Variants in CFAP47 observed in about 807,000 individuals in gnomAD.
CFAP47 encodes the protein cilia and flagella associated protein 47.
In CFAP47, 29 loss-of-function variants were observed where a neutral mutation model predicts 148.1. The observed-to-expected ratio is 0.20, with a 90% CI of 0.15 to 0.27. The LOEUF (loss-of-function observed/expected upper bound fraction) is 0.27, where lower values mean the gene tolerates loss of function less well. Among genes scored for constraint, CFAP47 ranks in the 10% least tolerant of loss-of-function variants. CFAP47 has a pLI of 1.00. For synonymous variants in CFAP47, 664 were observed against 577.3 expected (o/e 1.15, Z -2.15); for missense variants, 1,872 against 1,697.5 (o/e 1.10, Z -1.81).
chrX:36,177,612 C>A (rs1356198979), intron 39 of CFAP47, among the ~76,000 whole-genome samples: 1 of 112,010 alleles, frequency 8.9e-6, no homozygotes, highest in African/African-American at 3.2e-5. Context: ...TCACAGTTTA[C>A]ATTTTACTAT....
At chrX:36,245,456 G>A (rs988536906) in intron 48 of CFAP47, among the ~76,000 whole-genome samples, 4 of 111,680 alleles carry the variant, frequency 3.6e-5, no homozygotes, top group Admixed American at 1.9e-4. Context: ...CTGCCAAATG[G>A]CTCCAAGAAA....
At chrX:36,193,638 T>C (rs1939888566) in intron 42 of CFAP47, among the ~76,000 whole-genome samples, 1 of 111,187 alleles carries the variant, frequency 9.0e-6, no homozygotes, top group South Asian at 3.8e-4. Context: ...TAAAGCCTGC[T>C]GCCAATATGG....
intron 3 of CFAP47, among the ~76,000 whole-genome samples, chrX:35,943,341 C>A (rs73629579): frequency 0.082 from 9,174 of 111,264 alleles, 967 homozygotes; most frequent in African/African-American, 0.29. Flanking sequence ...ATTTAAAACT[C>A]AACACTTGGC....
intron 33 of CFAP47, among the ~76,000 whole-genome samples, chrX:36,127,418 G>T (rs1468271215): frequency 1.8e-5 from 2 of 111,190 alleles, no homozygotes; most frequent in Non-Finnish European, 3.8e-5. Context: ...GTGTGGTATT[G>T]TTTCTGAAGC....
At chrX:36,220,491 G>A (rs782162959) in intron 45 of CFAP47, among the ~76,000 whole-genome samples, 12 of 109,994 alleles carry the variant, frequency 1.1e-4, no homozygotes, top group East Asian at 2.9e-4. Flanking sequence ...CTGCCAGGGC[G>A]TGAAAAACCA....
In CFAP47 at chrX:36,383,110, TACACACACACGAA is replaced by T. The variant is rs781956267; in HGVS notation, c.9355-1686_9355-1674del. Among the ~76,000 whole-genome samples the T allele has an allele frequency of 3.3e-3, 373 of 111,483 alleles. 1 individual carries two copies. Among genetic ancestry groups the T allele is most frequent in the African/African-American group, 0.012 (361 of 30,734 alleles). ...GAATGAAGAGTATGAACAACTTCCA[TACACACACACGAA>T]GCACACACACACAAGCACACACACA... On this transcript the variant is annotated intron_variant, in intron 63 of 63. Coordinates refer to ENST00000378653, the MANE Select transcript of CFAP47 (RefSeq NM_001304548.2).
intron 50 of CFAP47, among the ~76,000 whole-genome samples, chrX:36,284,157 C>G (rs1468965558): frequency 9.0e-6 from 1 of 111,508 alleles, no homozygotes; most frequent in Non-Finnish European, 1.9e-5. Flanking sequence ...TGAGCAGAGC[C>G]TTCCTTAATA....
chrX:35,986,345 T>G (rs189808852), intron 15 of CFAP47, among the ~76,000 whole-genome samples: 116 of 109,359 alleles, frequency 1.1e-3, no homozygotes, highest in African/African-American at 3.8e-3. Flanking sequence ...CGTACTTTAT[T>G]TTATTAAGTT....
chrX:35,924,015 A>G (rs1569200979), intron 1 of CFAP47, among the ~76,000 whole-genome samples: 5 of 83,356 alleles, frequency 6.0e-5, no homozygotes, highest in African/African-American at 1.9e-4. Context: ...GTGTAAATAT[A>G]TATGCACATA....
intron 41 of CFAP47, 37 bp downstream of exon 41, chrX:36,188,727 G>A: frequency 1.0e-5 from 3 of 295,963 alleles, no homozygotes; most frequent in East Asian, 9.6e-5. Context: ...TTGTTTTCAT[G>A]TCTGATTTTT....
intron 7 of CFAP47, 123 bp from the exon 8 acceptor site, chrX:35,955,838 A>G: frequency 6.0e-6 from 6 of 999,033 alleles, no homozygotes; most frequent in Non-Finnish European, 8.0e-6. Context: ...ATTGTGTTGA[A>G]TGAAAAGATT....
intron 57 of CFAP47, among the ~76,000 whole-genome samples, chrX:36,346,132 C>T (rs1228705338): frequency 9.0e-6 from 1 of 111,516 alleles, no homozygotes; most frequent in East Asian, 2.8e-4. Context: ...ATACAAATGC[C>T]CTGAAGCTTA....
At chrX:35,924,350 T>C (rs375701949) in intron 1 of CFAP47, among the ~76,000 whole-genome samples, 17 of 106,549 alleles carry the variant, frequency 1.6e-4, no homozygotes, top group Admixed American at 1.2e-3. Context: ...TATGTGTGCA[T>C]ATGTGTATAT....
chrX:35,930,284 C>T (rs544800253), intron 2 of CFAP47, among the ~76,000 whole-genome samples: 18 of 110,915 alleles, frequency 1.6e-4, no homozygotes, highest in African/African-American at 5.9e-4. Flanking sequence ...TGAAATAAAT[C>T]CATTTTAGTC....
intron 48 of CFAP47, among the ~76,000 whole-genome samples, chrX:36,239,205 G>A (rs1019298816): frequency 3.6e-5 from 4 of 112,239 alleles, no homozygotes; most frequent in Non-Finnish European, 7.5e-5. Context: ...GGACTTCCAC[G>A]AAGGTGAAGC....
chrX:36,257,458 C>A (rs1940767123), intron 49 of CFAP47, among the ~76,000 whole-genome samples: 1 of 107,460 alleles, frequency 9.3e-6, no homozygotes, highest in African/African-American at 3.4e-5. Flanking sequence ...CAGGGTCTCA[C>A]CCTGTTGCCC....
In CFAP47 at chrX:36,049,240, C is replaced by G. The variant is rs1937502200; in HGVS notation, c.4217+2177C>G. On this transcript the variant is annotated intron_variant, in intron 26 of 63. Transcript: ENST00000378653. The stretch of plus-strand genomic sequence containing the variant: ...AGGAATCTAAGGCTCACAGTGTGAC[C>G]TAACTTGTCCAAGCTCACTCAAACA... 2.7e-5 allele frequency among the ~76,000 whole-genome samples: 3 copies of G among 109,603 alleles called. No homozygotes were observed. The South Asian group carries it at 1.2e-3, about 44-fold the overall frequency.
At chrX:36,289,002 T>TC in intron 51 of CFAP47, among the ~76,000 whole-genome samples, 1 of 103,459 alleles carries the variant, frequency 9.7e-6, no homozygotes, top group Non-Finnish European at 2.0e-5. Flanking sequence ...TTTCATCCTT[T>TC]TTTTTTTTTT....
At position 36,371,671 on chromosome X, in the gene CFAP47, CATGTGTATAT is replaced by C. The variant is rs1217784314; in HGVS notation, c.9185+4551_9185+4560del. On this transcript the variant is annotated intron_variant, in intron 62 of 63. Coordinates refer to ENST00000378653, the MANE Select transcript of CFAP47 (RefSeq NM_001304548.2). ...GTGTATATATGTGTGTATATACACA[CATGTGTATAT>C]ATGTGTGTATATACACACATGTGTA... 8.6e-3 allele frequency among the ~76,000 whole-genome samples: 597 copies of C among 69,166 alleles called. 59 individuals carry two copies. The highest frequency in any genetic ancestry group is 0.042 in the African/African-American group (514 of 12,318). The allele number at this position is 69,166 out of a possible 115,157, so 60.1% of individuals were successfully genotyped here. A position where few individuals can be genotyped will look rare whatever the true frequency, so the allele number is the denominator to read the frequency against.
Sources: allele counts gnomAD v4.1 joint callset (sites outside exome capture counted in the v4.1 genomes callset), GRCh38; gene constraint gnomAD v4.1.1; transcripts MANE v1.5; gene names NCBI Gene and HGNC (gene_info 2026-07-23, HGNC 2026-07-21).